PTPN14: variants seen among roughly 807,000 people sequenced by gnomAD.
PTPN14 encodes the protein protein tyrosine phosphatase non-receptor type 14, also known as tyrosine-protein phosphatase non-receptor type 14.
PTPN14 carries 53 observed loss-of-function variants against 126.8 expected under a neutral mutation model. That is an observed-to-expected ratio of 0.42 (90% confidence interval 0.34 to 0.53). The LOEUF (loss-of-function observed/expected upper bound fraction) is 0.53. PTPN14 is among the 20% of genes least tolerant of loss of function. PTPN14 has a pLI of 0.08. For missense variants in PTPN14, 1,257 were observed against 1,552.9 expected (o/e 0.81, Z 3.20); for synonymous variants, 630 against 599.3 (o/e 1.05, Z -0.75).
chr1:214,509,631 C>T (rs1297472930), intron 1 of PTPN14, among the ~76,000 whole-genome samples: 2 of 152,182 alleles, frequency 1.3e-5, no homozygotes, highest in East Asian at 3.9e-4. Context: ...TCAGTCACAA[C>T]TTAGCAAACT....
intron 1 of PTPN14, among the ~76,000 whole-genome samples, chr1:214,466,589 G>A (rs1572018224): frequency 6.6e-6 from 1 of 152,142 alleles, no homozygotes; most frequent in Non-Finnish European, 1.5e-5. Context: ...CAATCTTGCT[G>A]GGAGGCTCAT....
intron 1 of PTPN14, among the ~76,000 whole-genome samples, chr1:214,523,184 GCATCCCGAGGTCAA>G (rs1655302122): frequency 6.6e-6 from 1 of 152,042 alleles, no homozygotes; most frequent in Admixed American, 6.6e-5. Context: ...CTTGAACCTG[GCATCCCGAGGTCAA>G]CACAGTCTCT....
intron 3 of PTPN14, among the ~76,000 whole-genome samples, chr1:214,449,619 C>A (rs1323670442): frequency 6.6e-6 from 1 of 152,096 alleles, no homozygotes; most frequent in Non-Finnish European, 1.5e-5. Context: ...CAAAAGCCAA[C>A]GGAAATCATC....
In PTPN14 at chr1:214,398,074, T is replaced by C. The variant is rs1658928165; in HGVS notation, c.670-73A>G. The C allele has an allele frequency of 5.6e-6, 7 of 1,252,394 alleles. No individual in the cohort carries two copies. The South Asian group carries it at 7.5e-5, about 13-fold the overall frequency. The allele number at this position is 1,252,394 out of a possible 1,614,324, so 77.6% of individuals were successfully genotyped here. Reference sequence around the variant, plus strand: ...AACATTATTCACAATAGCTAAGATATGGAATCGACCTGAGTGTCCATCCAC... The same window carrying C: ...AACATTATTCACAATAGCTAAGATACGGAATCGACCTGAGTGTCCATCCAC... On this transcript the variant is annotated intron_variant, in intron 7 of 18. Coordinates refer to ENST00000366956, the MANE Select transcript of PTPN14 (RefSeq NM_005401.5).
chr1:214,487,686 AG>A (rs1661146142), intron 1 of PTPN14, among the ~76,000 whole-genome samples: 1 of 152,120 alleles, frequency 6.6e-6, no homozygotes, highest in African/African-American at 2.4e-5. Context: ...AGGGCAAAAA[AG>A]CTCCATCAAT....
intron 1 of PTPN14, among the ~76,000 whole-genome samples, chr1:214,502,222 G>T (rs866936159): frequency 6.6e-6 from 1 of 152,084 alleles, no homozygotes; most frequent in Non-Finnish European, 1.5e-5. Context: ...TCTAAGGGGG[G>T]AAGAGGGCTG....
chr1:214,380,562 AACCATCCATC>A (rs1658448972), intron 13 of PTPN14, among the ~76,000 whole-genome samples: 1 of 152,230 alleles, frequency 6.6e-6, no homozygotes, highest in Non-Finnish European at 1.5e-5. Flanking sequence ...AAAGCGGCGG[AACCATCCATC>A]AAACAGACAA....
chr1:214,538,584 T>C (rs1291701409), intron 1 of PTPN14, among the ~76,000 whole-genome samples: 1 of 152,188 alleles, frequency 6.6e-6, no homozygotes, highest in Non-Finnish European at 1.5e-5. Flanking sequence ...TCATATTATT[T>C]ATATTCACAA....
At chr1:214,380,012 A>G (rs1658435317) in intron 13 of PTPN14, among the ~76,000 whole-genome samples, 1 of 152,202 alleles carries the variant, frequency 6.6e-6, no homozygotes. Flanking sequence ...TTACCACCAA[A>G]AGATATAATA....
intron 1 of PTPN14, among the ~76,000 whole-genome samples, chr1:214,538,109 T>C (rs1006396268): frequency 2.0e-5 from 3 of 152,214 alleles, no homozygotes; most frequent in African/African-American, 7.2e-5. Context: ...TAGTTGCTGA[T>C]TCTTTTCAAG....
intron 1 of PTPN14, among the ~76,000 whole-genome samples, chr1:214,481,464 T>C (rs925962013): frequency 2.4e-5 from 3 of 124,238 alleles, no homozygotes; most frequent in Non-Finnish European, 4.7e-5. Context: ...TGAGCCAAGA[T>C]GGCACCATTG....
At chr1:214,411,924 T>C (rs960742217) in intron 4 of PTPN14, among the ~76,000 whole-genome samples, 173 bp from the exon 5 acceptor site, 4 of 152,330 alleles carry the variant, frequency 2.6e-5, no homozygotes, top group South Asian at 2.1e-4. Flanking sequence ...TCTAACAATA[T>C]GGTAAATATC....
At chr1:214,462,878 T>TAA (rs1660543361) in intron 2 of PTPN14, among the ~76,000 whole-genome samples, 2 of 152,224 alleles carry the variant, frequency 1.3e-5, no homozygotes, top group East Asian at 3.8e-4. Flanking sequence ...AAGTTGTTTA[T>TAA]TAAGACTCTC....
At chr1:214,362,900 A>C (rs990765384) in intron 18 of PTPN14, among the ~76,000 whole-genome samples, 1 of 152,162 alleles carries the variant, frequency 6.6e-6, no homozygotes. Flanking sequence ...ATATGAAGGG[A>C]AGGAAAGGAC....
At chr1:214,428,529 T>C (rs1164617362) in intron 3 of PTPN14, among the ~76,000 whole-genome samples, 1 of 152,222 alleles carries the variant, frequency 6.6e-6, no homozygotes, top group Non-Finnish European at 1.5e-5. Context: ...TTTTCCTTTT[T>C]ATCATCTTCT....
chr1:214,532,728 C>T lies in PTPN14; in HGVS notation c.-155+18455G>A, dbSNP rs1026281917. The T allele has an allele frequency of 7.9e-5, 62 of 786,874 alleles. No individual in the cohort carries two copies. The African/African-American group carries it at 7.9e-4, about 10-fold the overall frequency. 48.7% of individuals were successfully genotyped at this position (786,874 alleles called of 1,614,324 possible). The stretch of plus-strand genomic sequence containing the variant: ...CGCCAGTCTGTGGAGAGCAGCATTA[C>T]GGGCTCTGCAAGGTCACTGATGACA... On this transcript the variant is annotated intron_variant, in intron 1 of 18. Coordinates refer to ENST00000366956, the MANE Select transcript of PTPN14 (RefSeq NM_005401.5).
At chr1:214,452,270 C>T (rs1387671294) in intron 2 of PTPN14, among the ~76,000 whole-genome samples, 1 of 152,198 alleles carries the variant, frequency 6.6e-6, no homozygotes, top group Non-Finnish European at 1.5e-5. Context: ...ATAGTGCTGA[C>T]TTTTCCCCTG....
chr1:214,363,864 C>A (rs1658010130), intron 18 of PTPN14, among the ~76,000 whole-genome samples: 1 of 152,182 alleles, frequency 6.6e-6, no homozygotes, highest in African/African-American at 2.4e-5. Context: ...CTCAGTGTAA[C>A]TCCCTAATCC....
intron 1 of PTPN14, among the ~76,000 whole-genome samples, chr1:214,510,356 T>C (rs1054492765): frequency 6.6e-6 from 1 of 152,206 alleles, no homozygotes; most frequent in Non-Finnish European, 1.5e-5. Context: ...AGACTTGAAG[T>C]AAGCACGTGC....
Sources: gnomAD v4.1 joint callset for allele counts (sites outside exome capture counted in the v4.1 genomes callset) on GRCh38, gnomAD v4.1.1 for gene constraint, MANE v1.5 for transcripts, NCBI Gene and HGNC (gene_info 2026-07-23, HGNC 2026-07-21) for gene names.